Variants in OPHN1 observed in about 807,000 individuals in gnomAD.
The protein encoded by OPHN1 is oligophrenin-1.
In OPHN1, 11 loss-of-function variants were observed where a neutral mutation model predicts 60.7. The observed-to-expected ratio is 0.18, with a 90% confidence interval of 0.11 to 0.30. OPHN1 has a LOEUF of 0.30. OPHN1 is among the 10% of genes least tolerant of loss of function. The probability of loss-of-function intolerance (pLI) is 1.00; values close to 1 mark genes in which losing one functional copy is unlikely to be tolerated. For synonymous variants in OPHN1, 226 were observed against 222.6 expected, an observed-to-expected ratio of 1.02 and a Z score of -0.14; for missense variants, 449 against 611.0, an observed-to-expected ratio of 0.73 and a Z score of 2.80.
intron 2 of OPHN1, among the ~76,000 whole-genome samples, chrX:68,327,788 TAAAAAAAATAAA>T (rs2078271469): frequency 2.1e-5 from 1 of 47,056 alleles, no homozygotes; most frequent in Non-Finnish European, 3.5e-5. Context: ...AAATAAAAAA[TAAAAAAAATAAA>T]AAAAAAAAAA....
intron 19 of OPHN1, among the ~76,000 whole-genome samples, chrX:68,093,120 T>C (rs1351953592): frequency 2.7e-5 from 3 of 111,070 alleles, no homozygotes; most frequent in African/African-American, 6.5e-5. Context: ...GCCTCAAAGT[T>C]CCTTAGCTCT....
At chrX:68,214,676 A>C (rs1021289884) in intron 6 of OPHN1, among the ~76,000 whole-genome samples, 5 of 112,208 alleles carry the variant, frequency 4.5e-5, no homozygotes, top group Non-Finnish European at 9.4e-5. Flanking sequence ...TCAGAATCAA[A>C]TGTAGGTAAG....
chrX:68,322,702 G>T (rs1177877153), intron 2 of OPHN1, among the ~76,000 whole-genome samples: 3 of 111,369 alleles, frequency 2.7e-5, no homozygotes, highest in African/African-American at 9.8e-5. Flanking sequence ...CAGAAGAATC[G>T]CTTGAATCCG....
intron 5 of OPHN1, among the ~76,000 whole-genome samples, chrX:68,252,067 C>T (rs1357366511): frequency 8.9e-6 from 1 of 111,762 alleles, no homozygotes; most frequent in Non-Finnish European, 1.9e-5. Flanking sequence ...CGTGTCTCTG[C>T]TTACCCACCA....
intron 2 of OPHN1, among the ~76,000 whole-genome samples, chrX:68,348,583 T>C (rs2078390756): frequency 8.9e-6 from 1 of 111,993 alleles, no homozygotes; most frequent in Non-Finnish European, 1.9e-5. Flanking sequence ...ATTGCTACTT[T>C]CTTATTTATA....
At chrX:68,233,115 C>T (rs2077736548) in intron 6 of OPHN1, among the ~76,000 whole-genome samples, 1 of 110,610 alleles carries the variant, frequency 9.0e-6, no homozygotes, top group African/African-American at 3.3e-5. Flanking sequence ...TTTAGTAGAG[C>T]TGGGGTTTTG....
chrX:68,342,058 C>T (rs2078355745), intron 2 of OPHN1, among the ~76,000 whole-genome samples: 1 of 104,877 alleles, frequency 9.5e-6, no homozygotes, highest in Non-Finnish European at 2.0e-5. Flanking sequence ...CAGCCTCAAC[C>T]TCCCAGGCTC....
intron 15 of OPHN1, among the ~76,000 whole-genome samples, chrX:68,186,969 C>T (rs373604655): frequency 8.9e-6 from 1 of 112,060 alleles, no homozygotes; most frequent in East Asian, 2.8e-4. Flanking sequence ...CATTCACTCC[C>T]TAACAGATGT....
rs1310038359 is a variant in OPHN1, at chrX:68,299,114, CAA to C, written c.155-20_155-19del. On this transcript the variant is annotated intron_variant, in intron 2 of 24. Coordinates refer to ENST00000355520, the MANE Select transcript of OPHN1 (RefSeq NM_002547.3). ...AGAATAATCTGCAAAGGAAGGGTAA[CAA>C]GAGAAATGTTCAACAATGCTATGCT... The C allele has an allele frequency of 2.9e-6, 3 of 1,025,346 alleles. No homozygotes were observed. The highest frequency in any genetic ancestry group is 3.2e-5 in the East Asian group (1 of 31,373). The allele number at this position is 1,025,346 out of a possible 1,213,427, so 84.5% of individuals were successfully genotyped here.
chrX:68,299,054 G>T lies in OPHN1; in HGVS notation c.197C>A (p.Ser66Ter). 2 of 1,195,646 alleles carry T rather than the reference G, an allele frequency of 1.7e-6. No individual in the cohort carries two copies. The highest frequency in any genetic ancestry group is 1.8e-5 in the South Asian group (1 of 56,482). The change falls in exon 3 of 25, where the codon TCA becomes TAA. Residue 66 changes from serine to a stop codon, truncating the protein, a stop_gained. Transcript: ENST00000355520. LOFTEE classifies it high-confidence loss of function. ...AVQKFSQTLQ[S>*]FQFDFIGDTL... is the part of the protein sequence containing the mutation. Reference sequence around the variant, plus strand: ...GTCTCCAATGAAATCAAACTGAAATGACTGCAGCGTCTGGGAAAATTTCTG... The same window carrying T: ...GTCTCCAATGAAATCAAACTGAAATTACTGCAGCGTCTGGGAAAATTTCTG...
intron 2 of OPHN1, among the ~76,000 whole-genome samples, chrX:68,357,539 G>T (rs2078448102): frequency 9.1e-6 from 1 of 110,219 alleles, no homozygotes; most frequent in African/African-American, 3.3e-5. Flanking sequence ...TGCTGAGAAT[G>T]ATGGTTTCCA....
In OPHN1 at chrX:68,190,832, G is replaced by C. The variant is rs1222042845; in HGVS notation, c.1276+2087C>G. Among the ~76,000 whole-genome samples, 3 of 112,317 alleles carry C rather than the reference G, an allele frequency of 2.7e-5. No homozygotes were observed. The Admixed American group carries it at 2.8e-4, about 11-fold the overall frequency. ...TGTCAGCTGATTTACATATGAAAAA[G>C]TGTCCTTAGCTAATGAGATGGGTTG... On this transcript the variant is annotated intron_variant, in intron 15 of 24. Coordinates refer to ENST00000355520, the MANE Select transcript of OPHN1 (RefSeq NM_002547.3).
At chrX:68,427,258 ACT>A (rs1422738785) in intron 2 of OPHN1, among the ~76,000 whole-genome samples, 1 of 107,129 alleles carries the variant, frequency 9.3e-6, no homozygotes, top group Non-Finnish European at 1.9e-5. Context: ...AACACAGTGA[ACT>A]CTGTCTCAAA....
At chrX:68,278,825 G>T (rs973211554) in intron 4 of OPHN1, among the ~76,000 whole-genome samples, 7 of 111,813 alleles carry the variant, frequency 6.3e-5, no homozygotes, top group Admixed American at 2.8e-4. Flanking sequence ...GGCGGAGGCT[G>T]CAGTGAGCCG....
intron 2 of OPHN1, among the ~76,000 whole-genome samples, chrX:68,305,029 T>G (rs1250970315): frequency 9.0e-6 from 1 of 110,805 alleles, no homozygotes; most frequent in African/African-American, 3.3e-5. Context: ...AAGCTGAAAT[T>G]AACAAGAGGC....
At chrX:68,087,556 T>C (rs978457703) in intron 19 of OPHN1, among the ~76,000 whole-genome samples, 1 of 111,981 alleles carries the variant, frequency 8.9e-6, no homozygotes, top group Non-Finnish European at 1.9e-5. Context: ...AGATGGTCAT[T>C]TCCAATTGCC....
At chrX:68,183,478 A>T (rs916973995) in intron 15 of OPHN1, among the ~76,000 whole-genome samples, 1 of 112,065 alleles carries the variant, frequency 8.9e-6, no homozygotes, top group Non-Finnish European at 1.9e-5. Flanking sequence ...TCTACCAGGG[A>T]GAACAAAGGT....
chrX:68,261,553 T>C (rs1052624386), intron 5 of OPHN1, among the ~76,000 whole-genome samples: 1 of 111,337 alleles, frequency 9.0e-6, no homozygotes, highest in Non-Finnish European at 1.9e-5. Context: ...AATCAAGTGA[T>C]AAAGTGTACA....
At chrX:68,145,005 T>C (rs2147481069) in intron 15 of OPHN1, among the ~76,000 whole-genome samples, 1 of 111,446 alleles carries the variant, frequency 9.0e-6, no homozygotes, top group African/African-American at 3.3e-5. Flanking sequence ...GCTTTGCAGG[T>C]TTTCTAGGAC....
Sources: allele counts gnomAD v4.1 joint callset (sites outside exome capture counted in the v4.1 genomes callset), GRCh38; gene constraint gnomAD v4.1.1; transcripts MANE v1.5; gene names NCBI Gene and HGNC (gene_info 2026-07-23, HGNC 2026-07-21).